The following ST6GALNAC3 variants were observed in gnomAD, a reference collection of about 807,000 sequenced individuals.
ST6GALNAC3 encodes ST6 N-acetylgalactosaminide alpha-2,6-sialyltransferase 3, also known as alpha-N-acetylgalactosaminide alpha-2,6-sialyltransferase 3.
ST6GALNAC3 carries 25 observed loss-of-function variants against 32.7 expected under a neutral mutation model. The ratio of observed to expected loss-of-function variants is 0.76; its 90% CI spans 0.56 to 1.07. The LOEUF (loss-of-function observed/expected upper bound fraction) is 1.07. Ranked by LOEUF, ST6GALNAC3 falls within the 50% of genes least tolerant of loss-of-function variation. ST6GALNAC3 has a pLI of 0.00. For synonymous variants in ST6GALNAC3, 129 were observed against 133.1 expected (o/e 0.97, Z 0.21); for missense variants, 355 against 382.4 (o/e 0.93, Z 0.60).
intron 2 of ST6GALNAC3, among the ~76,000 whole-genome samples, chr1:76,405,462 A>G (rs936337323): frequency 1.3e-5 from 2 of 152,110 alleles, no homozygotes; most frequent in African/African-American, 4.8e-5. Context: ...TCACTCAGAA[A>G]GGATAGGGCA....
In ST6GALNAC3 at chr1:76,578,614, G is replaced by A. The variant is rs74639372; in HGVS notation, c.624-48838G>A. On this transcript the variant is annotated intron_variant, in intron 3 of 4. Transcript: ENST00000328299. Reference sequence around the variant, plus strand: ...CTAAAATATGGAATTTCTAAGTCGAGTGCATTTTCTCCAGGCTAAAATAAA... The same window carrying A: ...CTAAAATATGGAATTTCTAAGTCGAATGCATTTTCTCCAGGCTAAAATAAA... Among the ~76,000 whole-genome samples, 946 of 152,074 alleles carry A rather than the reference G, an allele frequency of 6.2e-3. 9 individuals are homozygous for A. Among genetic ancestry groups the A allele is most frequent in the African/African-American group, 0.022 (901 of 41,500 alleles).
At chr1:76,280,183 A>G (rs1369266878) in intron 1 of ST6GALNAC3, among the ~76,000 whole-genome samples, 8 of 151,648 alleles carry the variant, frequency 5.3e-5, no homozygotes, top group African/African-American at 1.5e-4. Context: ...ACCCTTTGCT[A>G]TGTTCTGAAT....
chr1:76,416,555 A>T (rs899898252), intron 3 of ST6GALNAC3, among the ~76,000 whole-genome samples: 6 of 151,916 alleles, frequency 3.9e-5, no homozygotes, highest in African/African-American at 1.2e-4. Flanking sequence ...AATTGTAAAA[A>T]TACTTAAAAA....
chr1:76,370,936 C>A (rs1381107887), intron 2 of ST6GALNAC3, among the ~76,000 whole-genome samples: 3 of 151,998 alleles, frequency 2.0e-5, no homozygotes, highest in African/African-American at 4.8e-5. Flanking sequence ...TATATTGCTT[C>A]TCTGCTTCAT....
chr1:76,268,311 A>C (rs1658649765), intron 1 of ST6GALNAC3, among the ~76,000 whole-genome samples: 1 of 152,240 alleles, frequency 6.6e-6, no homozygotes, highest in Non-Finnish European at 1.5e-5. Context: ...GCAGAAATAG[A>C]GGTGAGATTG....
intron 2 of ST6GALNAC3, among the ~76,000 whole-genome samples, chr1:76,390,639 T>C (rs2101150837): frequency 6.6e-6 from 1 of 152,310 alleles, no homozygotes; most frequent in East Asian, 1.9e-4. Context: ...GCCTGGCTGC[T>C]GGGAACTGAC....
In ST6GALNAC3 at chr1:76,089,426, CAAT is replaced by C. The variant is rs542443352; in HGVS notation, c.18+14543_18+14545del. ...TTTTGTATTTGGAAATTATTTGTCT[CAAT>C]GATGATTTTGCTACAATGATTGCAC... is the stretch of plus-strand genomic sequence containing the variant. On this transcript the variant is annotated intron_variant, in intron 1 of 4. Coordinates refer to ENST00000328299, the MANE Select transcript of ST6GALNAC3 (RefSeq NM_152996.4). Among the ~76,000 whole-genome samples the C allele has an allele frequency of 1.1e-4, 17 of 152,150 alleles. No homozygotes were observed. In the East Asian group the frequency reaches 1.9e-3, roughly 17 times the overall value.
At chr1:76,286,077 T>C (rs910321366) in intron 1 of ST6GALNAC3, among the ~76,000 whole-genome samples, 3 of 152,186 alleles carry the variant, frequency 2.0e-5, no homozygotes, top group Non-Finnish European at 2.9e-5. Flanking sequence ...GCCATCAGCT[T>C]GGTCTTACTT....
chr1:76,432,408 C>T (rs1655819894), intron 3 of ST6GALNAC3, among the ~76,000 whole-genome samples: 1 of 141,034 alleles, frequency 7.1e-6, no homozygotes, highest in South Asian at 2.3e-4. Context: ...CTGAAAAATG[C>T]TGGCTGAAAT....
At chr1:76,154,626 C>G (rs1358491805) in intron 1 of ST6GALNAC3, among the ~76,000 whole-genome samples, 2 of 152,108 alleles carry the variant, frequency 1.3e-5, no homozygotes, top group Admixed American at 1.3e-4. Context: ...TCTTCTTTGT[C>G]CCTAACCTGG....
At chr1:76,571,480 GA>G (rs2100493528) in intron 3 of ST6GALNAC3, among the ~76,000 whole-genome samples, 1 of 152,198 alleles carries the variant, frequency 6.6e-6, no homozygotes, top group East Asian at 1.9e-4. Context: ...GTAGGAAACA[GA>G]TTCTCTTGCT....
Position 76,117,735 on chromosome 1 carries a change from G to T in ST6GALNAC3, c.18+42851G>T, listed in dbSNP as rs148684421. Among the ~76,000 whole-genome samples the T allele has an allele frequency of 5.9e-5, 9 of 152,262 alleles. No homozygotes were observed. In the East Asian group the frequency reaches 1.7e-3, roughly 29 times the overall value. Reference sequence around the variant, plus strand: ...CTGTGGTAAGATAATCAACTACTCTGATTACCTAGTAACTAAGCTAATTGG... The same window carrying T: ...CTGTGGTAAGATAATCAACTACTCTTATTACCTAGTAACTAAGCTAATTGG... On this transcript the variant is annotated intron_variant, in intron 1 of 4. Transcript: ENST00000328299.
Position 76,305,066 on chromosome 1 carries a change from G to A in ST6GALNAC3, c.19-8739G>A, listed in dbSNP as rs529580623. On this transcript the variant is annotated intron_variant, in intron 1 of 4. Transcript: ENST00000328299. Reference sequence around the variant, plus strand: ...TCAACAGAATGCCCGGCGCACAGGGGTGGGATCTGAGTGAGGGCAACAGGT... The same window carrying A: ...TCAACAGAATGCCCGGCGCACAGGGATGGGATCTGAGTGAGGGCAACAGGT... Among the ~76,000 whole-genome samples, 8 of 152,160 alleles carry A rather than the reference G, an allele frequency of 5.3e-5. No homozygotes were observed. The South Asian group carries it at 8.3e-4, about 16-fold the overall frequency.
intron 2 of ST6GALNAC3, among the ~76,000 whole-genome samples, chr1:76,366,924 T>A (rs1650419072): frequency 6.6e-6 from 1 of 152,164 alleles, no homozygotes; most frequent in Non-Finnish European, 1.5e-5. Flanking sequence ...TTGTTGTAAG[T>A]ATTAAAAATT....
intron 3 of ST6GALNAC3, among the ~76,000 whole-genome samples, chr1:76,529,064 C>T (rs1000519257): frequency 6.6e-6 from 1 of 151,876 alleles, no homozygotes; most frequent in African/African-American, 2.4e-5. Context: ...CAGGCATCAC[C>T]TGTTGAAGAT....
At chr1:76,346,485 G>C (rs1363275974) in intron 2 of ST6GALNAC3, among the ~76,000 whole-genome samples, 1 of 152,210 alleles carries the variant, frequency 6.6e-6, no homozygotes, top group Non-Finnish European at 1.5e-5. Context: ...TGTAAAGCAA[G>C]ACAGGACTAT....
At chr1:76,181,938 C>T (rs931310089) in intron 1 of ST6GALNAC3, among the ~76,000 whole-genome samples, 4 of 152,090 alleles carry the variant, frequency 2.6e-5, no homozygotes, top group African/African-American at 4.8e-5. Context: ...TGTGACAGGA[C>T]GTGAACACTC....
At chr1:76,560,842 C>T (rs1437918582) in intron 3 of ST6GALNAC3, among the ~76,000 whole-genome samples, 3 of 152,130 alleles carry the variant, frequency 2.0e-5, no homozygotes, top group African/African-American at 4.8e-5. Context: ...GGTATATAAC[C>T]AAAAGAAAGG....
intron 2 of ST6GALNAC3, among the ~76,000 whole-genome samples, chr1:76,406,836 A>T (rs894518332): frequency 1.3e-5 from 2 of 151,960 alleles, no homozygotes; most frequent in African/African-American, 2.4e-5. Flanking sequence ...TCCTTTGGAC[A>T]TCATGTTTAT....
Sources: gnomAD v4.1 joint callset for allele counts (sites outside exome capture counted in the v4.1 genomes callset) on GRCh38, gnomAD v4.1.1 for gene constraint, MANE v1.5 for transcripts, NCBI Gene and HGNC (gene_info 2026-07-23, HGNC 2026-07-21) for gene names.